Variants in TRAPPC9 observed in about 807,000 individuals in gnomAD.
TRAPPC9 encodes the protein trafficking protein particle complex subunit 9, also known as IKK2 binding protein.
A neutral mutation model predicts 124.0 loss-of-function variants in TRAPPC9; 83 were observed. The ratio of observed to expected loss-of-function variants is 0.67; its 90% CI spans 0.56 to 0.80. The LOEUF is 0.80. Ranked by LOEUF, TRAPPC9 falls within the 30% of genes least tolerant of loss-of-function variation. The pLI is 0.00. For synonymous variants in TRAPPC9, 638 were observed against 617.5 expected, an observed-to-expected ratio of 1.03 and a Z score of -0.49; for missense variants, 1,302 against 1,508.3, an observed-to-expected ratio of 0.86 and a Z score of 2.27.
chr8:140,035,011 T>C (rs1157880867), intron 17 of TRAPPC9, among the ~76,000 whole-genome samples: 1 of 152,234 alleles, frequency 6.6e-6, no homozygotes, highest in Non-Finnish European at 1.5e-5. Context: ...TGCTAAATGC[T>C]GCATTCAAGA....
At chr8:140,282,051 T>A (rs2065339632) in intron 14 of TRAPPC9, among the ~76,000 whole-genome samples, 1 of 152,204 alleles carries the variant, frequency 6.6e-6, no homozygotes, top group African/African-American at 2.4e-5. Context: ...AGGACTGTCA[T>A]GATCAGTGCT....
intron 16 of TRAPPC9, among the ~76,000 whole-genome samples, chr8:140,247,908 C>G (rs1386303301): frequency 6.6e-6 from 1 of 152,106 alleles, no homozygotes; most frequent in Non-Finnish European, 1.5e-5. Flanking sequence ...CTGAGTTTTT[C>G]TCATTCAGAT....
intron 19 of TRAPPC9, among the ~76,000 whole-genome samples, chr8:139,912,782 C>T (rs1246053019): frequency 6.6e-6 from 1 of 152,236 alleles, no homozygotes; most frequent in Non-Finnish European, 1.5e-5. Flanking sequence ...AACCATGTCT[C>T]TTTCTTCTCT....
At chr8:139,880,567 C>T (rs947109328) in intron 21 of TRAPPC9, among the ~76,000 whole-genome samples, 1 of 152,204 alleles carries the variant, frequency 6.6e-6, no homozygotes, top group African/African-American at 2.4e-5. Context: ...CCTGTGCCCC[C>T]TTGGAAGATC....
At chr8:139,988,110 T>C (rs1277863150) in intron 19 of TRAPPC9, among the ~76,000 whole-genome samples, 1 of 148,532 alleles carries the variant, frequency 6.7e-6, no homozygotes, top group Non-Finnish European at 1.5e-5. Context: ...CACCTCTTTT[T>C]TTTTTTTTTT....
chr8:140,036,695 C>T (rs1006511609), intron 17 of TRAPPC9, among the ~76,000 whole-genome samples: 11 of 152,072 alleles, frequency 7.2e-5, no homozygotes, highest in African/African-American at 2.2e-4. Context: ...CACAGGGAGA[C>T]GCTGCAGAAC....
At chr8:140,358,738 C>T (rs550048469) in intron 9 of TRAPPC9, among the ~76,000 whole-genome samples, 56 of 152,192 alleles carry the variant, frequency 3.7e-4, no homozygotes, top group Non-Finnish European at 6.6e-4. Flanking sequence ...GCAGCAGTGA[C>T]GGCACAGCAC....
In TRAPPC9 at chr8:140,360,196, G is replaced by A. The variant is rs765005523; in HGVS notation, c.1352-3C>T. 1 of 1,614,152 alleles carries A rather than the reference G, an allele frequency of 6.2e-7. No homozygotes were observed. The highest frequency in any genetic ancestry group is 2.2e-5 in the East Asian group (1 of 44,882). ...CGCAGCCCAGCCTCTGTGCGTGCCT[G>A]CGATGGAAGTTACAAAACATCACAA... On this transcript the variant is annotated splice_polypyrimidine_tract_variant and splice_region_variant and intron_variant, in intron 8 of 22. Coordinates refer to ENST00000438773, the MANE Select transcript of TRAPPC9 (RefSeq NM_001160372.4).
chr8:139,885,042 G>A (rs773829853), intron 21 of TRAPPC9, among the ~76,000 whole-genome samples: 16 of 152,140 alleles, frequency 1.1e-4, no homozygotes, highest in East Asian at 3.9e-4. Context: ...TTAATGAACC[G>A]GATCCTGGAT....
intron 9 of TRAPPC9, among the ~76,000 whole-genome samples, chr8:140,316,185 T>C (rs1172998832): frequency 6.6e-6 from 1 of 152,068 alleles, no homozygotes; most frequent in African/African-American, 2.4e-5. Flanking sequence ...AGAACTGAAA[T>C]GTTCAGGAAT....
At chr8:140,359,397 T>C (rs1006880338) in intron 9 of TRAPPC9, among the ~76,000 whole-genome samples, 12 of 151,666 alleles carry the variant, frequency 7.9e-5, no homozygotes, top group Admixed American at 4.6e-4. Context: ...TGACTAAAAC[T>C]CAAAAAGCAG....
rs138540942 is a variant in TRAPPC9 at position 140,294,025 on chromosome 8, G to A, written c.1769-2947C>T. 6.2e-3 allele frequency among the ~76,000 whole-genome samples: 946 copies of A among 152,100 alleles called. 9 individuals carry two copies. Among genetic ancestry groups the A allele is most frequent in the African/African-American group, 0.022 (896 of 41,512 alleles). On this transcript the variant is annotated intron_variant, in intron 11 of 22. Transcript: ENST00000438773. Reference sequence around the variant, plus strand: ...TGTCAGCAGCACAAATGTTATGCCCGTTCTACAAAAAAGGAGAACCCACCT... The same window carrying A: ...TGTCAGCAGCACAAATGTTATGCCCATTCTACAAAAAAGGAGAACCCACCT...
chr8:140,437,981 C>T (rs1223760779), intron 3 of TRAPPC9, among the ~76,000 whole-genome samples: 1 of 152,142 alleles, frequency 6.6e-6, no homozygotes, highest in East Asian at 1.9e-4. Flanking sequence ...ATTTCTTCTT[C>T]CCTTTCTTTT....
In TRAPPC9 at chr8:140,275,831, GAAGAAGAAATTTA is replaced by G; in HGVS notation, c.2115-23_2115-11del. ...CAATGAATGTGCAGATCTAAAATAA[GAAGAAGAAATTTA>G]AAGAAGAAAGAAGGAAGAAGCCAAG... On this transcript the variant is annotated splice_polypyrimidine_tract_variant and intron_variant, in intron 14 of 22. Transcript: ENST00000438773. 1.2e-6 allele frequency: 2 copies of G among 1,606,848 alleles called. No individual in the cohort carries two copies. The highest frequency in any genetic ancestry group is 1.7e-6 in the Non-Finnish European group (2 of 1,173,944).
chr8:140,084,521 A>T (rs1396269866), intron 17 of TRAPPC9, among the ~76,000 whole-genome samples: 1 of 152,178 alleles, frequency 6.6e-6, no homozygotes, highest in Non-Finnish European at 1.5e-5. Flanking sequence ...GGCCTTCATG[A>T]TCTGACCCAA....
At chr8:140,394,567 C>T (rs1006451618) in intron 7 of TRAPPC9, among the ~76,000 whole-genome samples, 2 of 152,164 alleles carry the variant, frequency 1.3e-5, no homozygotes, top group South Asian at 4.1e-4. Context: ...CATCTGACAG[C>T]GCGACTCCAC....
At chr8:140,196,185 G>A (rs1484564080) in intron 17 of TRAPPC9, among the ~76,000 whole-genome samples, 5 of 103,638 alleles carry the variant, frequency 4.8e-5, no homozygotes, top group Non-Finnish European at 7.6e-5. Flanking sequence ...CACACTCAAC[G>A]ATCCACCATA....
chr8:139,833,452 A>G (rs1826116759), intron 21 of TRAPPC9, among the ~76,000 whole-genome samples: 1 of 152,232 alleles, frequency 6.6e-6, no homozygotes, highest in Admixed American at 6.5e-5. Flanking sequence ...CTGATGACCC[A>G]GCTTCTTCTG....
intron 19 of TRAPPC9, among the ~76,000 whole-genome samples, chr8:139,975,927 C>CTTTTTTTTT (rs528679775): frequency 3.1e-5 from 3 of 95,572 alleles, no homozygotes; most frequent in Admixed American, 1.3e-4. Context: ...AAAGGACAGT[C>CTTTTTTTTT]TTTTTTTTTT....
Sources: gnomAD v4.1 joint callset for allele counts (sites outside exome capture counted in the v4.1 genomes callset) on GRCh38, gnomAD v4.1.1 for gene constraint, MANE v1.5 for transcripts, NCBI Gene and HGNC (gene_info 2026-07-23, HGNC 2026-07-21) for gene names.